The following GABRG3 variants were observed in gnomAD, a reference collection of about 807,000 sequenced individuals.
GABRG3 encodes the protein gamma-aminobutyric acid receptor subunit gamma-3.
A neutral mutation model predicts 48.8 loss-of-function variants in GABRG3; 25 were observed. That is an observed-to-expected ratio of 0.51 (90% CI 0.37 to 0.72). GABRG3 has a LOEUF of 0.72. GABRG3 is among the 30% of genes least tolerant of loss of function. The pLI is 0.00. For missense variants in GABRG3, 394 were observed against 577.9 expected (o/e 0.68, Z 3.26); for synonymous variants, 227 against 217.6 (o/e 1.04, Z -0.38).
In GABRG3 at chr15:27,351,987, G is replaced by GGT. The variant is rs557013854; in HGVS notation, c.574+23110_574+23111dup. Among the ~76,000 whole-genome samples, 1,432 of 149,170 alleles carry GGT rather than the reference G, an allele frequency of 9.6e-3. 14 individuals are homozygous for GGT. The highest frequency in any genetic ancestry group is 0.015 in the Non-Finnish European group (1,013 of 67,128). Reference sequence around the variant, plus strand: ...GTATGTCTGTATAATGTGTGTGTATGGTGTGTGTGTGTATATATGATGTGT... The same window carrying GGT: ...GTATGTCTGTATAATGTGTGTGTATGGTGTGTGTGTGTGTATATATGATGTGT... On this transcript the variant is annotated intron_variant, in intron 5 of 9. Coordinates refer to ENST00000615808, the MANE Select transcript of GABRG3 (RefSeq NM_033223.5).
At chr15:27,460,268 C>T (rs1461541255) in intron 5 of GABRG3, among the ~76,000 whole-genome samples, 1 of 152,162 alleles carries the variant, frequency 6.6e-6, no homozygotes, top group Non-Finnish European at 1.5e-5. Context: ...AGTCTAAAAG[C>T]AGAGTAAAAA....
chr15:27,441,721 T>C (rs1888790719), intron 5 of GABRG3, among the ~76,000 whole-genome samples: 1 of 152,148 alleles, frequency 6.6e-6, no homozygotes, highest in Non-Finnish European at 1.5e-5. Flanking sequence ...ACTGAGACCC[T>C]TCCCCTGTGC....
intron 3 of GABRG3, among the ~76,000 whole-genome samples, chr15:27,193,359 T>G (rs541302688): frequency 6.6e-6 from 1 of 152,196 alleles, no homozygotes; most frequent in Non-Finnish European, 1.5e-5. Flanking sequence ...CCTTGAGCTG[T>G]GGTGGGCTCC....
rs149204350 is a variant in GABRG3 at position 27,197,667 on chromosome 15, A to C, written c.271-129142A>C. ...ATTAAGGATAAATATTGCTTGGCTT[A>C]GTTTTAGAAGGAATGGTACCAGCTC... On this transcript the variant is annotated intron_variant, in intron 3 of 9. Transcript: ENST00000615808. Among the ~76,000 whole-genome samples, 668 of 152,202 alleles carry C rather than the reference A, an allele frequency of 4.4e-3. 8 individuals are homozygous for C. Among genetic ancestry groups the C allele is most frequent in the African/African-American group, 0.015 (632 of 41,540 alleles).
intron 2 of GABRG3, among the ~76,000 whole-genome samples, chr15:27,002,028 C>A (rs1335281627): frequency 6.6e-6 from 1 of 151,910 alleles, no homozygotes; most frequent in East Asian, 1.9e-4. Context: ...ACATAGGAAA[C>A]CATTTTTACC....
chr15:27,433,750 A>G (rs1888526602), intron 5 of GABRG3, among the ~76,000 whole-genome samples: 1 of 152,216 alleles, frequency 6.6e-6, no homozygotes, highest in South Asian at 2.1e-4. Flanking sequence ...TGAATAAATC[A>G]GTACAAGGTA....
rs192538395 is a variant in GABRG3 at position 27,094,644 on chromosome 15, C to A, written c.270+67823C>A. ...CCCTTGTTGGAATTGGGCCTGAGAG[C>A]ATTATGTCACCTACATTTGCAGAGA... On this transcript the variant is annotated intron_variant, in intron 3 of 9. Coordinates refer to ENST00000615808, the MANE Select transcript of GABRG3 (RefSeq NM_033223.5). 3.9e-4 allele frequency among the ~76,000 whole-genome samples: 59 copies of A among 152,184 alleles called. 2 individuals carry two copies. The East Asian group carries it at 9.7e-3, about 25-fold the overall frequency.
chr15:27,030,504 A>G (rs1467738792), intron 3 of GABRG3, among the ~76,000 whole-genome samples: 1 of 152,232 alleles, frequency 6.6e-6, no homozygotes, highest in Non-Finnish European at 1.5e-5. Context: ...GTTCCTCTAC[A>G]TGAAGCTTTC....
intron 3 of GABRG3, among the ~76,000 whole-genome samples, chr15:27,166,050 G>A (rs1419509052): frequency 1.3e-5 from 2 of 152,184 alleles, no homozygotes; most frequent in Non-Finnish European, 2.9e-5. Context: ...GCCTTTCTCA[G>A]TGGCTCTGAT....
intron 3 of GABRG3, among the ~76,000 whole-genome samples, chr15:27,146,077 C>T (rs1898203806): frequency 2.0e-5 from 3 of 152,150 alleles, no homozygotes; most frequent in Non-Finnish European, 4.4e-5. Context: ...AAACGTATCA[C>T]TAGCAGACTT....
rs2150868806 is a variant in GABRG3, at chr15:27,538,021, A to T, written c.*5140A>T. 6.6e-6 allele frequency: 1 copy of T among 152,072 alleles called. No homozygotes were observed. Among genetic ancestry groups the T allele is most frequent in the Non-Finnish European group, 1.5e-5 (1 of 67,992 alleles). The allele number at this position is 152,072 out of a possible 1,614,324, so 9.4% of individuals were successfully genotyped here. The stretch of plus-strand genomic sequence containing the variant: ...TGTCTGGCTAATTTTTTATATTTTT[A>T]GTAGAGATGGGCTTTCACCATGTTG... On this transcript the variant is annotated 3_prime_UTR_variant, in exon 10 of 10. Coordinates refer to ENST00000615808, the MANE Select transcript of GABRG3 (RefSeq NM_033223.5).
At chr15:27,420,087 T>C (rs563308044) in intron 5 of GABRG3, among the ~76,000 whole-genome samples, 1 of 152,162 alleles carries the variant, frequency 6.6e-6, no homozygotes, top group Non-Finnish European at 1.5e-5. Flanking sequence ...AGAAAAACAA[T>C]CAACTACTTC....
At chr15:27,307,144 A>T (rs1470436800) in intron 3 of GABRG3, among the ~76,000 whole-genome samples, 1 of 134,462 alleles carries the variant, frequency 7.4e-6, no homozygotes, top group African/African-American at 2.8e-5. Flanking sequence ...GTTTATACAT[A>T]TATAAACATA....
At chr15:27,165,841 G>A (rs1887353415) in intron 3 of GABRG3, among the ~76,000 whole-genome samples, 1 of 152,146 alleles carries the variant, frequency 6.6e-6, no homozygotes, top group South Asian at 2.1e-4. Flanking sequence ...CAAAGGAGGA[G>A]GTGGTTGCTA....
At chr15:27,029,254 G>T (rs896468917) in intron 3 of GABRG3, among the ~76,000 whole-genome samples, 1 of 152,076 alleles carries the variant, frequency 6.6e-6, no homozygotes, top group South Asian at 2.1e-4. Flanking sequence ...ACGCAGCCCT[G>T]GGGAAGCCGA....
intron 6 of GABRG3, among the ~76,000 whole-genome samples, chr15:27,489,106 CT>C (rs1890287465): frequency 6.6e-6 from 1 of 151,834 alleles, no homozygotes; most frequent in South Asian, 2.1e-4. Context: ...TCAACTCCCA[CT>C]TATGAGTGAG....
At chr15:27,429,746 G>T (rs887289696) in intron 5 of GABRG3, among the ~76,000 whole-genome samples, 1 of 152,096 alleles carries the variant, frequency 6.6e-6, no homozygotes, top group Non-Finnish European at 1.5e-5. Flanking sequence ...TATTAGTACC[G>T]CATTCCTTTG....
intron 3 of GABRG3, among the ~76,000 whole-genome samples, chr15:27,281,970 A>G (rs1891449111): frequency 6.6e-6 from 1 of 152,030 alleles, no homozygotes; most frequent in Non-Finnish European, 1.5e-5. Flanking sequence ...TTTGACCTTC[A>G]TTCCTAAAGA....
At chr15:27,252,019 G>A (rs1890472490) in intron 3 of GABRG3, among the ~76,000 whole-genome samples, 1 of 152,218 alleles carries the variant, frequency 6.6e-6, no homozygotes, top group East Asian at 1.9e-4. Context: ...CAGTGCAGAT[G>A]TGCCCGCTGG....
Sources: gnomAD v4.1 joint callset for allele counts (sites outside exome capture counted in the v4.1 genomes callset) on GRCh38, gnomAD v4.1.1 for gene constraint, MANE v1.5 for transcripts, NCBI Gene and HGNC (gene_info 2026-07-23, HGNC 2026-07-21) for gene names.